The following IRAK3 variants were observed in gnomAD, a reference collection of about 807,000 sequenced individuals.
IRAK3 encodes interleukin 1 receptor associated kinase 3, also known as interleukin-1 receptor-associated kinase 3.
IRAK3 carries 57 observed loss-of-function variants against 56.6 expected under a neutral mutation model. That is an observed-to-expected ratio of 1.01 (90% CI 0.81 to 1.26). The LOEUF (loss-of-function observed/expected upper bound fraction) is 1.26, where lower values mean the gene tolerates loss of function less well. Ranked by LOEUF, IRAK3 falls within the 50% of genes most tolerant of loss-of-function variation. The pLI, the probability that IRAK3 is intolerant of heterozygous loss-of-function variation, is 0.00. For missense variants in IRAK3, 703 were observed against 719.0 expected (o/e 0.98, Z 0.25); for synonymous variants, 258 against 255.7 (o/e 1.01, Z -0.09).
intron 8 of IRAK3, chr12:66,234,175 C>T: frequency 6.2e-7 from 1 of 1,614,170 alleles, no homozygotes; most frequent in Non-Finnish European, 8.5e-7. Context: ...CTGTCGTCTG[C>T]ATATGTTCAT....
chr12:66,240,068 A>G (rs1226265021), intron 8 of IRAK3, among the ~76,000 whole-genome samples: 3 of 152,130 alleles, frequency 2.0e-5, no homozygotes, highest in African/African-American at 4.8e-5. Flanking sequence ...GAGACATGCA[A>G]CCAAGCCTTT....
At chr12:66,217,721 A>T (rs1439712800) in intron 6 of IRAK3, among the ~76,000 whole-genome samples, 1 of 152,146 alleles carries the variant, frequency 6.6e-6, no homozygotes, top group African/African-American at 2.4e-5. Context: ...TTTCATATAC[A>T]TATTCATATC....
chr12:66,234,523 A>G (rs911287764), intron 8 of IRAK3: 1 of 1,611,972 alleles, frequency 6.2e-7, no homozygotes, highest in African/African-American at 1.3e-5. Context: ...GGTCGTAAGT[A>G]AGTGTCATTC....
chr12:66,189,273 C>G lies in IRAK3; in HGVS notation c.-27C>G. On this transcript the variant is annotated 5_prime_UTR_variant, in exon 1 of 12. Transcript: ENST00000261233. ...GCGTGCAGGGACCTGGACTCCGCCT[C>G]GTCCCCGGGGCTCGGGCAGCCGAGC... 1 of 1,534,876 alleles carries G rather than the reference C, an allele frequency of 6.5e-7. No homozygotes were observed. The highest frequency in any genetic ancestry group is 1.4e-5 in the African/African-American group (1 of 73,134).
rs547548972 is a variant in IRAK3, at chr12:66,245,030, T to A, written c.1149+20T>A. 16 of 1,613,868 alleles carry A rather than the reference T, an allele frequency of 9.9e-6. No homozygotes were observed. In the South Asian group the frequency reaches 1.8e-4, roughly 18 times the overall value. On this transcript the variant is annotated intron_variant, in intron 10 of 11. Transcript: ENST00000261233. The stretch of plus-strand genomic sequence containing the variant: ...CAGCTGGTAAGAATTGTTTTCATCC[T>A]GGCACCTATCTCTTGGTCATTTTTT...
chr12:66,251,597 G>A lies in IRAK3; in HGVS notation c.*3426G>A, dbSNP rs1221975444. 3 of 152,162 alleles carry A rather than the reference G, an allele frequency of 2.0e-5. No individual in the cohort carries two copies. The highest frequency in any genetic ancestry group is 4.4e-5 in the Non-Finnish European group (3 of 68,034). 9.4% of individuals were successfully genotyped at this position (152,162 alleles called of 1,614,324 possible). A position where few individuals can be genotyped will look rare whatever the true frequency, so the allele number is the denominator to read the frequency against. On this transcript the variant is annotated 3_prime_UTR_variant, in exon 12 of 12. Transcript: ENST00000261233. ...TTGTTGTTTTTAAAAACAGGTATGG[G>A]ATTTCTGATATAATCAATTTTATTG...
chr12:66,197,923 A>AT (rs11422401), intron 1 of IRAK3: 2 of 985,110 alleles, frequency 2.0e-6, no homozygotes. Context: ...CAAAAAAAAA[A>AT]CAAACAGAGA....
At chr12:66,199,504 A>G (rs2052487011) in intron 1 of IRAK3, among the ~76,000 whole-genome samples, 1 of 152,030 alleles carries the variant, frequency 6.6e-6, no homozygotes, top group African/African-American at 2.4e-5. Flanking sequence ...AGGATAGTGT[A>G]CTCTATCCAA....
intron 8 of IRAK3, among the ~76,000 whole-genome samples, chr12:66,231,457 G>C (rs550021506): frequency 1.1e-4 from 16 of 152,330 alleles, no homozygotes; most frequent in Non-Finnish European, 2.1e-4. Flanking sequence ...TAGACCACAG[G>C]GGGAGAGACA....
intron 1 of IRAK3, among the ~76,000 whole-genome samples, chr12:66,201,242 AT>A (rs1239861307): frequency 2.0e-5 from 3 of 152,186 alleles, no homozygotes; most frequent in Non-Finnish European, 4.4e-5. Flanking sequence ...GGGGAGTCCT[AT>A]CTCCTATGAG....
intron 11 of IRAK3, among the ~76,000 whole-genome samples, chr12:66,247,362 T>TA (rs2053044619): frequency 6.6e-6 from 1 of 152,176 alleles, no homozygotes; most frequent in Non-Finnish European, 1.5e-5. Flanking sequence ...ATTTCCTTAT[T>TA]CCCTTCCAAT....
chr12:66,189,815 G>C (rs908506799), intron 1 of IRAK3, among the ~76,000 whole-genome samples: 2 of 152,136 alleles, frequency 1.3e-5, no homozygotes, highest in Non-Finnish European at 2.9e-5. Context: ...GACATTTTTA[G>C]AACTTTGAGA....
chr12:66,212,642 C>T (rs771430410), intron 5 of IRAK3, among the ~76,000 whole-genome samples: 2 of 152,036 alleles, frequency 1.3e-5, no homozygotes, highest in East Asian at 1.9e-4. Flanking sequence ...GGTACTTTAG[C>T]GAGAATTGTA....
rs2053117098 is a variant in IRAK3, at chr12:66,253,148, CA to C, written c.*4978del. The C allele has an allele frequency of 6.6e-6, 1 of 152,210 alleles. No individual in the cohort carries two copies. The highest frequency in any genetic ancestry group is 2.1e-4 in the South Asian group (1 of 4,832). 9.4% of individuals were successfully genotyped at this position (152,210 alleles called of 1,614,324 possible). ...ATCAAATAGTCCTTCAAAGCATCTT[CA>C]GAATCAAGATTGTCATCTAGATTGC... On this transcript the variant is annotated 3_prime_UTR_variant, in exon 12 of 12. Transcript: ENST00000261233.
chr12:66,234,854 T>C, intron 8 of IRAK3: 1 of 1,611,570 alleles, frequency 6.2e-7, no homozygotes, highest in Non-Finnish European at 8.5e-7. Flanking sequence ...GAGTGGCAAA[T>C]TAGAAATGTA....
intron 8 of IRAK3, among the ~76,000 whole-genome samples, chr12:66,233,857 T>C (rs1369049963): frequency 4.0e-5 from 6 of 150,678 alleles, no homozygotes; most frequent in Admixed American, 3.3e-4. Context: ...ATAAACCTGT[T>C]CGGGGGAACA....
At chr12:66,235,336 G>GGGCAGCCTCGCCGCGA in intron 8 of IRAK3, 1 of 1,088,328 alleles carries the variant, frequency 9.2e-7, no homozygotes, top group Non-Finnish European at 1.1e-6. Context: ...CCTGGGCGCG[G>GGGCAGCCTCGCCGCGA]GGCAGCCTCG....
chr12:66,228,884 T>C lies in IRAK3; in HGVS notation c.887+514T>C, dbSNP rs56806749. 1.9e-3 allele frequency among the ~76,000 whole-genome samples: 292 copies of C among 152,312 alleles called. 2 individuals carry two copies. Among genetic ancestry groups the C allele is most frequent in the African/African-American group, 6.6e-3 (276 of 41,572 alleles). Reference sequence around the variant, plus strand: ...ATAATTGTCCTGAGCACATTTAACATAGGCTGGGCTAAGCTGGGATGTTCG... The same window carrying C: ...ATAATTGTCCTGAGCACATTTAACACAGGCTGGGCTAAGCTGGGATGTTCG... On this transcript the variant is annotated intron_variant, in intron 8 of 11. Transcript: ENST00000261233.
At chr12:66,210,119 T>C in intron 3 of IRAK3, 28 bp from the exon 4 acceptor site, 1 of 1,407,880 alleles carries the variant, frequency 7.1e-7, no homozygotes, top group Non-Finnish European at 1.0e-6. Flanking sequence ...TGAAATGGAA[T>C]TACTTTAGTA....
Sources: gnomAD v4.1 joint callset for allele counts (sites outside exome capture counted in the v4.1 genomes callset) on GRCh38, gnomAD v4.1.1 for gene constraint, MANE v1.5 for transcripts, NCBI Gene and HGNC (gene_info 2026-07-23, HGNC 2026-07-21) for gene names.